The following GRAMD1C variants were observed in gnomAD, a reference collection of about 807,000 sequenced individuals.
The protein encoded by GRAMD1C is protein Aster-C.
In GRAMD1C, 89 loss-of-function variants were observed where a neutral mutation model predicts 97.8. The observed-to-expected ratio is 0.91, with a 90% CI of 0.77 to 1.09. The LOEUF is 1.09. GRAMD1C is among the 50% of genes least tolerant of loss of function. The pLI is 0.00. For missense variants in GRAMD1C, 740 were observed against 766.4 expected, an observed-to-expected ratio of 0.97 and a Z score of 0.41; for synonymous variants, 256 against 267.0, an observed-to-expected ratio of 0.96 and a Z score of 0.40.
chr3:113,907,936 A>T (rs1004513494), intron 8 of GRAMD1C, among the ~76,000 whole-genome samples: 6 of 152,202 alleles, frequency 3.9e-5, no homozygotes, highest in Non-Finnish European at 8.8e-5. Flanking sequence ...ATAGTGTGGA[A>T]CTCCCAAATA....
intron 2 of GRAMD1C, chr3:113,850,290 C>T (rs1933838464): frequency 8.8e-6 from 6 of 683,880 alleles, no homozygotes; most frequent in South Asian, 4.1e-5. Context: ...AACTGGAATT[C>T]GGTTGCTGAC....
intron 10 of GRAMD1C, among the ~76,000 whole-genome samples, chr3:113,922,134 C>T (rs891971783): frequency 2.0e-5 from 3 of 151,912 alleles, no homozygotes; most frequent in East Asian, 1.9e-4. Flanking sequence ...AGTACAGTGG[C>T]GCAAACAGCT....
In GRAMD1C at chr3:113,915,686, T is replaced by C; in HGVS notation, c.953-15T>C. ...TTGATTTCTTCTCTTTTGGTTTGTGTTTCTGTTTTTCCAGAAAATGTTCCT... is the reference window on the plus strand; with the variant it reads ...TTGATTTCTTCTCTTTTGGTTTGTGCTTCTGTTTTTCCAGAAAATGTTCCT... On this transcript the variant is annotated splice_polypyrimidine_tract_variant and intron_variant, in intron 9 of 17. Transcript: ENST00000358160. The C allele has an allele frequency of 1.2e-6, 2 of 1,602,542 alleles. No individual in the cohort carries two copies. The highest frequency in any genetic ancestry group is 2.2e-5 in the South Asian group (2 of 89,750).
chr3:113,884,187 C>T (rs1311577418), intron 6 of GRAMD1C, among the ~76,000 whole-genome samples: 2 of 152,068 alleles, frequency 1.3e-5, no homozygotes, highest in Admixed American at 1.3e-4. Flanking sequence ...AAACATTCTC[C>T]AGAATAGACG....
In GRAMD1C at chr3:113,931,870, G is replaced by A. The variant is rs188989738; in HGVS notation, c.1209+1038G>A. The stretch of plus-strand genomic sequence containing the variant: ...GAGCCCAGGAGTTTGAGATTACAGC[G>A]AGCTATGATCTAGCCACTGCACTCT... On this transcript the variant is annotated intron_variant, in intron 11 of 17. Coordinates refer to ENST00000358160, the MANE Select transcript of GRAMD1C (RefSeq NM_017577.5). Among the ~76,000 whole-genome samples the A allele has an allele frequency of 1.9e-3, 295 of 152,178 alleles. 3 individuals carry two copies. The highest frequency in any genetic ancestry group is 6.7e-3 in the African/African-American group (279 of 41,522).
rs894949261 is a variant in GRAMD1C at position 113,877,003 on chromosome 3, A to G, written c.459+743A>G. Among the ~76,000 whole-genome samples, 3 of 152,204 alleles carry G rather than the reference A, an allele frequency of 2.0e-5. No homozygotes were observed. In the East Asian group the frequency reaches 5.8e-4, roughly 29 times the overall value. ...ATCTTGTGGAGATTCTTCTAAATTCACTTTAAATTTTATCTTACTCTTTTT... is the reference window on the plus strand; with the variant it reads ...ATCTTGTGGAGATTCTTCTAAATTCGCTTTAAATTTTATCTTACTCTTTTT... On this transcript the variant is annotated intron_variant, in intron 5 of 17. Coordinates refer to ENST00000358160, the MANE Select transcript of GRAMD1C (RefSeq NM_017577.5).
At chr3:113,885,357 C>G in intron 6 of GRAMD1C, 1 of 1,594,410 alleles carries the variant, frequency 6.3e-7, no homozygotes, top group East Asian at 2.2e-5. Context: ...CTGCCAAGCT[C>G]TGGAGCTTCT....
chr3:113,829,113 C>A (rs566668435), intron 1 of GRAMD1C, among the ~76,000 whole-genome samples: 7 of 152,134 alleles, frequency 4.6e-5, no homozygotes, highest in Admixed American at 4.6e-4. Context: ...TGTGACTTAG[C>A]GTACTTGCCT....
chr3:113,829,702 G>A (rs1709533421), intron 1 of GRAMD1C, among the ~76,000 whole-genome samples: 1 of 151,854 alleles, frequency 6.6e-6, no homozygotes, highest in Non-Finnish European at 1.5e-5. Context: ...TGAAACATTT[G>A]GGTGAGCTAG....
intron 2 of GRAMD1C, among the ~76,000 whole-genome samples, chr3:113,850,010 CGGGCGGGGGGCTG>C (rs1184690196): frequency 1.7e-5 from 2 of 120,140 alleles, no homozygotes; most frequent in African/African-American, 7.6e-5. Flanking sequence ...GGTGGCTGGC[CGGGCGGGGGGCTG>C]ACCCCCCACC....
At chr3:113,932,464 G>T (rs1167281843) in intron 11 of GRAMD1C, among the ~76,000 whole-genome samples, 1 of 152,104 alleles carries the variant, frequency 6.6e-6, no homozygotes, top group South Asian at 2.1e-4. Flanking sequence ...GCAGTGTTTT[G>T]TTTGGTTACT....
At chr3:113,840,359 A>G (rs1421250497) in intron 1 of GRAMD1C, among the ~76,000 whole-genome samples, 3 of 152,192 alleles carry the variant, frequency 2.0e-5, no homozygotes, top group African/African-American at 7.2e-5. Context: ...AGAGAGCCTC[A>G]GGAAAAAACT....
chr3:113,870,596 A>T (rs1229726461), intron 3 of GRAMD1C, among the ~76,000 whole-genome samples: 2 of 152,170 alleles, frequency 1.3e-5, no homozygotes, highest in Non-Finnish European at 2.9e-5. Context: ...GGATGTTTCT[A>T]ATACAAAGAT....
At chr3:113,905,071 T>C (rs1329438315) in intron 8 of GRAMD1C, among the ~76,000 whole-genome samples, 2 of 152,152 alleles carry the variant, frequency 1.3e-5, no homozygotes, top group Non-Finnish European at 2.9e-5. Context: ...CCTGACCTCA[T>C]GATCCACCCG....
chr3:113,833,491 A>G (rs1709589641), intron 1 of GRAMD1C, among the ~76,000 whole-genome samples: 1 of 151,854 alleles, frequency 6.6e-6, no homozygotes, highest in Admixed American at 6.6e-5. Flanking sequence ...TCCCCCACCA[A>G]CACCTGCCCA....
upstream of GRAMD1C, among the ~76,000 whole-genome samples, chr3:113,838,093 A>C (rs971690102): frequency 5.9e-5 from 9 of 152,170 alleles, no homozygotes; most frequent in East Asian, 1.7e-3. Flanking sequence ...GGCATGTCCA[A>C]TCCCCTCTTT....
chr3:113,846,172 T>C (rs1324483465), intron 2 of GRAMD1C, among the ~76,000 whole-genome samples: 1 of 152,006 alleles, frequency 6.6e-6, no homozygotes, highest in Non-Finnish European at 1.5e-5. Flanking sequence ...AATGGTATGA[T>C]CTCCAGTCAT....
intron 10 of GRAMD1C, among the ~76,000 whole-genome samples, chr3:113,923,317 G>A (rs1429148371): frequency 6.6e-6 from 1 of 152,142 alleles, no homozygotes; most frequent in Admixed American, 6.5e-5. Context: ...AATAGAAGTG[G>A]TGAGAGCGGG....
intron 1 of GRAMD1C, among the ~76,000 whole-genome samples, chr3:113,833,778 A>G (rs1448109373): frequency 1.3e-5 from 2 of 152,158 alleles, no homozygotes; most frequent in Non-Finnish European, 1.5e-5. Context: ...TGATTGTGGT[A>G]AGGTTTTGGT....
Sources: allele counts gnomAD v4.1 joint callset (sites outside exome capture counted in the v4.1 genomes callset), GRCh38; gene constraint gnomAD v4.1.1; transcripts MANE v1.5; gene names NCBI Gene and HGNC (gene_info 2026-07-23, HGNC 2026-07-21).